ADAMTS6: variants seen among roughly 807,000 people sequenced by gnomAD.
The protein encoded by ADAMTS6 is ADAM metallopeptidase with thrombospondin type 1 motif 6.
A neutral mutation model predicts 144.3 loss-of-function variants in ADAMTS6; 23 were observed. The observed-to-expected ratio is 0.16, with a 90% confidence interval of 0.11 to 0.23. ADAMTS6 has a LOEUF of 0.23. Ranked by LOEUF, ADAMTS6 falls within the 10% of genes least tolerant of loss-of-function variation. ADAMTS6 has a pLI of 1.00. For synonymous variants in ADAMTS6, 444 were observed against 457.5 expected (o/e 0.97, Z 0.38); for missense variants, 999 against 1,379.6 (o/e 0.72, Z 4.37).
intron 9 of ADAMTS6, among the ~76,000 whole-genome samples, chr5:65,311,832 A>G (rs981928371): frequency 1.3e-5 from 2 of 152,110 alleles, no homozygotes; most frequent in African/African-American, 4.8e-5. Context: ...TTTTAAAATC[A>G]TAACAGATGT....
At chr5:65,176,125 A>AC (rs1483761982) in intron 22 of ADAMTS6, among the ~76,000 whole-genome samples, 66 of 140,686 alleles carry the variant, frequency 4.7e-4, no homozygotes, top group Middle Eastern at 7.2e-3. Flanking sequence ...AAGGGAAAAA[A>AC]AGGGGGGGGC....
intron 14 of ADAMTS6, chr5:65,251,803 T>C (rs1395053654): frequency 6.6e-6 from 1 of 152,210 alleles, no homozygotes. Context: ...GATCTATTCT[T>C]AAATTCTTAG....
At chr5:65,343,473 G>A (rs1318593851) in intron 7 of ADAMTS6, among the ~76,000 whole-genome samples, 1 of 151,994 alleles carries the variant, frequency 6.6e-6, no homozygotes, top group Non-Finnish European at 1.5e-5. Context: ...AATGGTGCTG[G>A]GGAAACCAGA....
chr5:65,434,067 C>G (rs1481120339), intron 7 of ADAMTS6, among the ~76,000 whole-genome samples: 1 of 152,092 alleles, frequency 6.6e-6, no homozygotes, highest in East Asian at 1.9e-4. Context: ...TATTATTTGA[C>G]CATAAAAAGT....
At chr5:65,257,420 G>T (rs1289258705) in intron 14 of ADAMTS6, among the ~76,000 whole-genome samples, 1 of 151,944 alleles carries the variant, frequency 6.6e-6, no homozygotes, top group African/African-American at 2.4e-5. Flanking sequence ...CTACTATTCT[G>T]GTTCTTTGAT....
intron 7 of ADAMTS6, among the ~76,000 whole-genome samples, chr5:65,389,919 A>AAATG (rs1413862936): frequency 6.6e-6 from 1 of 152,178 alleles, no homozygotes; most frequent in African/African-American, 2.4e-5. Context: ...TGTCATTAGA[A>AAATG]ACGTTTTTCT....
chr5:65,435,958 T>G (rs1214532713), intron 7 of ADAMTS6, among the ~76,000 whole-genome samples: 1 of 152,122 alleles, frequency 6.6e-6, no homozygotes, highest in Non-Finnish European at 1.5e-5. Flanking sequence ...AATGAATATT[T>G]TTTAAAATAA....
intron 7 of ADAMTS6, among the ~76,000 whole-genome samples, chr5:65,350,585 T>C (rs2150088549): frequency 6.6e-6 from 1 of 152,334 alleles, no homozygotes; most frequent in Admixed American, 6.5e-5. Flanking sequence ...ATGTATTTTG[T>C]TTGCTTTAAC....
chr5:65,481,456 A>G lies in ADAMTS6; in HGVS notation c.-393T>C, dbSNP rs1761201589. 4 of 150,938 alleles carry G rather than the reference A, an allele frequency of 2.7e-5. No homozygotes were observed. In the South Asian group the frequency reaches 8.4e-4, roughly 32 times the overall value. The allele number at this position is 150,938 out of a possible 1,614,324, so 9.3% of individuals were successfully genotyped here. On this transcript the variant is annotated 5_prime_UTR_variant, in exon 1 of 25. Coordinates refer to ENST00000381055, the MANE Select transcript of ADAMTS6 (RefSeq NM_197941.4). ...TTTTTTTAATTTTTTTTATTTTTTT[A>G]TTTTTTGCCCCCCTTTGCAAAGCCA...
intron 7 of ADAMTS6, among the ~76,000 whole-genome samples, chr5:65,341,076 G>A (rs12516660): frequency 0.27 from 41,625 of 151,674 alleles, 6,597 homozygotes; most frequent in South Asian, 0.41. Flanking sequence ...CTATACAAAC[G>A]TATGAAATTA....
At chr5:65,358,619 T>G (rs1749559270) in intron 7 of ADAMTS6, among the ~76,000 whole-genome samples, 1 of 152,000 alleles carries the variant, frequency 6.6e-6, no homozygotes, top group East Asian at 1.9e-4. Context: ...ACTACCTCAT[T>G]CAAAATATAC....
chr5:65,152,843 C>T (rs6885147), intron 24 of ADAMTS6, among the ~76,000 whole-genome samples: 31,978 of 152,100 alleles, frequency 0.21, 6,905 homozygotes, highest in African/African-American at 0.55. Flanking sequence ...TGTTTGGAGA[C>T]TTTAGGATAC....
intron 14 of ADAMTS6, chr5:65,256,609 G>C (rs1760681182): frequency 6.6e-6 from 1 of 152,076 alleles, no homozygotes; most frequent in Non-Finnish European, 1.5e-5. Context: ...CCCACCAATA[G>C]TAAGTTCTAC....
intron 7 of ADAMTS6, among the ~76,000 whole-genome samples, chr5:65,398,805 AAAGAAAGAAAGAAAGAAAG>A (rs1339403149): frequency 9.5e-4 from 109 of 114,762 alleles, no homozygotes; most frequent in African/African-American, 2.8e-3. Flanking sequence ...AGAAAGAAAG[AAAGAAAGAAAGAAAGAAAG>A]AAAGAAAGAA....
intron 7 of ADAMTS6, among the ~76,000 whole-genome samples, chr5:65,404,985 T>A (rs1419261406): frequency 6.6e-6 from 1 of 152,216 alleles, no homozygotes; most frequent in Non-Finnish European, 1.5e-5. Flanking sequence ...CACTTTTTGA[T>A]GGGGTTGTTT....
rs750637450 is a variant in ADAMTS6 at position 65,333,997 on chromosome 5, TAAAAAAAAAAA to T, written c.1117+34_1117+44del. 675 of 842,306 alleles carry T rather than the reference TAAAAAAAAAAA, an allele frequency of 8.0e-4. No individual in the cohort carries two copies. In the African/African-American group the frequency reaches 8.3e-3, roughly 10 times the overall value. The allele number at this position is 842,306 out of a possible 1,614,324, so 52.2% of individuals were successfully genotyped here. A position where few individuals can be genotyped will look rare whatever the true frequency, so the allele number is the denominator to read the frequency against. ...ACAATCAGAACCATTCTACCTTTATTAAAAAAAAAAAAAAAAAAAAAAAAAAAAACCAAAAA... is the reference window on the plus strand; with the variant it reads ...ACAATCAGAACCATTCTACCTTTATTAAAAAAAAAAAAAAAAAACCAAAAA... On this transcript the variant is annotated intron_variant, in intron 8 of 24. Transcript: ENST00000381055.
chr5:65,433,502 G>T lies in ADAMTS6; in HGVS notation c.1073+17973C>A, dbSNP rs190739774. ...CTTGAATAATTAATATAGTCCGAGTGACTACTTGGTTTTTCATAAAGTTGT... is the reference window on the plus strand; with the variant it reads ...CTTGAATAATTAATATAGTCCGAGTTACTACTTGGTTTTTCATAAAGTTGT... On this transcript the variant is annotated intron_variant, in intron 7 of 24. Coordinates refer to ENST00000381055, the MANE Select transcript of ADAMTS6 (RefSeq NM_197941.4). Among the ~76,000 whole-genome samples the T allele has an allele frequency of 1.1e-4, 17 of 152,172 alleles. No individual in the cohort carries two copies. The East Asian group carries it at 2.5e-3, about 22-fold the overall frequency.
At chr5:65,255,040 G>C (rs1760525074) in intron 14 of ADAMTS6, among the ~76,000 whole-genome samples, 1 of 152,168 alleles carries the variant, frequency 6.6e-6, no homozygotes, top group Non-Finnish European at 1.5e-5. Context: ...CTCTGAGGTA[G>C]ACACCTGTGG....
chr5:65,258,323 G>A (rs1261635135), intron 14 of ADAMTS6, among the ~76,000 whole-genome samples: 1 of 152,124 alleles, frequency 6.6e-6, no homozygotes, highest in Admixed American at 6.5e-5. Flanking sequence ...GCAAAAGCCC[G>A]AAGGTAGGAG....
Sources: gnomAD v4.1 joint callset for allele counts (sites outside exome capture counted in the v4.1 genomes callset) on GRCh38, gnomAD v4.1.1 for gene constraint, MANE v1.5 for transcripts, NCBI Gene and HGNC (gene_info 2026-07-23, HGNC 2026-07-21) for gene names.